The following RAB38 variants were observed in gnomAD, a reference collection of about 807,000 sequenced individuals.
RAB38 encodes the protein ras-related protein Rab-38.
RAB38 carries 15 observed loss-of-function variants against 18.4 expected under a neutral mutation model. The observed-to-expected ratio is 0.82, with a 90% CI of 0.55 to 1.26. RAB38 has a LOEUF of 1.26. Ranked by LOEUF, RAB38 falls within the 50% of genes most tolerant of loss-of-function variation. The pLI is 0.00. For synonymous variants in RAB38, 101 were observed against 104.4 expected (o/e 0.97, Z 0.20); for missense variants, 294 against 267.4 (o/e 1.10, Z -0.69).
chr11:87,886,694 G>A, the RAB38 span, among the ~76,000 whole-genome samples: 1 of 151,876 alleles, frequency 6.6e-6, no homozygotes, highest in South Asian at 2.1e-4. Context: ...CAGCTGCCCT[G>A]GAAAAGAGAT....
At chr11:87,949,271 C>A in the RAB38 span, among the ~76,000 whole-genome samples, 1 of 151,746 alleles carries the variant, frequency 6.6e-6, no homozygotes, top group African/African-American at 2.4e-5. Flanking sequence ...CTATTTGATT[C>A]TTCTCTCTTT....
chr11:87,953,180 A>G, the RAB38 span, among the ~76,000 whole-genome samples: 1 of 152,154 alleles, frequency 6.6e-6, no homozygotes, highest in East Asian at 1.9e-4. Flanking sequence ...TATACAAGCT[A>G]GATAAAGTCA....
chr11:88,143,808 G>A (rs559208721), intron 2 of RAB38, among the ~76,000 whole-genome samples: 2 of 152,296 alleles, frequency 1.3e-5, no homozygotes, highest in African/African-American at 4.8e-5. Context: ...TATGGTTATA[G>A]CCTCTGATCG....
the RAB38 span, among the ~76,000 whole-genome samples, chr11:87,964,012 A>G: frequency 1.3e-5 from 2 of 152,206 alleles, no homozygotes; most frequent in African/African-American, 2.4e-5. Flanking sequence ...AGGGAAAAAC[A>G]CACAAAAATC....
At chr11:87,804,796 C>A in the RAB38 span, among the ~76,000 whole-genome samples, 15 of 152,182 alleles carry the variant, frequency 9.9e-5, no homozygotes, top group African/African-American at 3.6e-4. Context: ...TATATTGCTC[C>A]ATTTTCTGTT....
intron 2 of RAB38, among the ~76,000 whole-genome samples, chr11:88,147,708 T>C (rs997038596): frequency 6.6e-6 from 1 of 151,734 alleles, no homozygotes; most frequent in African/African-American, 2.4e-5. Context: ...CTGGCTAACA[T>C]AGTGAAACCA....
chr11:87,867,310 C>T, the RAB38 span, among the ~76,000 whole-genome samples: 80 of 151,742 alleles, frequency 5.3e-4, no homozygotes, highest in African/African-American at 1.7e-3. Context: ...TTTGTCTCCA[C>T]GAGGCAGTTT....
chr11:88,072,825 G>C, the RAB38 span, among the ~76,000 whole-genome samples: 6 of 152,056 alleles, frequency 3.9e-5, no homozygotes, highest in African/African-American at 1.4e-4. Context: ...AAGACTTCTG[G>C]TTCCAAAATG....
At chr11:88,010,295 T>A in the RAB38 span, among the ~76,000 whole-genome samples, 1 of 151,776 alleles carries the variant, frequency 6.6e-6, no homozygotes, top group African/African-American at 2.4e-5. Context: ...AGTCATTTAA[T>A]GAGTTTCTTA....
At chr11:88,071,744 G>A in the RAB38 span, among the ~76,000 whole-genome samples, 1 of 152,178 alleles carries the variant, frequency 6.6e-6, no homozygotes, top group South Asian at 2.1e-4. Flanking sequence ...CATGGAGAAA[G>A]AATCCCTTTA....
At chr11:88,092,635 C>A in the RAB38 span, among the ~76,000 whole-genome samples, 1 of 151,518 alleles carries the variant, frequency 6.6e-6, no homozygotes, top group Non-Finnish European at 1.5e-5. Flanking sequence ...TTAAAGGGTG[C>A]AAAATATCTG....
At chr11:87,872,173 A>G in the RAB38 span, among the ~76,000 whole-genome samples, 2 of 151,576 alleles carry the variant, frequency 1.3e-5, no homozygotes, top group Admixed American at 6.6e-5. Context: ...GTGTGCATTT[A>G]GTAGTAAGCC....
the RAB38 span, among the ~76,000 whole-genome samples, chr11:88,026,281 C>T: frequency 6.6e-6 from 1 of 152,006 alleles, no homozygotes; most frequent in Non-Finnish European, 1.5e-5. Context: ...TGCAACACAA[C>T]AGCCAGGTGC....
intron 2 of RAB38, among the ~76,000 whole-genome samples, chr11:88,149,367 T>C (rs1023183595): frequency 6.6e-6 from 1 of 152,176 alleles, no homozygotes; most frequent in Non-Finnish European, 1.5e-5. Context: ...GAGGACTAAA[T>C]AGGAAAATGC....
chr11:87,886,131 G>C, the RAB38 span, among the ~76,000 whole-genome samples: 1 of 151,886 alleles, frequency 6.6e-6, no homozygotes, highest in Admixed American at 6.6e-5. Flanking sequence ...CCAATAAATA[G>C]CGTGGGCTCC....
At chr11:87,824,030 T>G in the RAB38 span, among the ~76,000 whole-genome samples, 1 of 152,186 alleles carries the variant, frequency 6.6e-6, no homozygotes, top group African/African-American at 2.4e-5. Context: ...ATTGAAGTTT[T>G]TGTTGAAAGA....
chr11:88,091,388 C>T, the RAB38 span, among the ~76,000 whole-genome samples: 2 of 152,020 alleles, frequency 1.3e-5, no homozygotes, highest in Non-Finnish European at 2.9e-5. Flanking sequence ...TGCCCTTCCC[C>T]TCAACTCTGC....
chr11:88,150,462 A>G (rs1410493815), intron 1 of RAB38, among the ~76,000 whole-genome samples: 2 of 152,178 alleles, frequency 1.3e-5, no homozygotes, highest in Admixed American at 6.5e-5. Context: ...CCCTGCCACC[A>G]TGAAGATTAT....
At chr11:87,875,854 G>A in the RAB38 span, among the ~76,000 whole-genome samples, 4 of 151,496 alleles carry the variant, frequency 2.6e-5, no homozygotes, top group African/African-American at 9.7e-5. Flanking sequence ...TTACAGATTA[G>A]TTCTAATAAT....
Sources: gnomAD v4.1 joint callset for allele counts (sites outside exome capture counted in the v4.1 genomes callset) on GRCh38, gnomAD v4.1.1 for gene constraint, MANE v1.5 for transcripts, NCBI Gene and HGNC (gene_info 2026-07-23, HGNC 2026-07-21) for gene names.